The following PTPRD variants were observed in gnomAD, a reference collection of about 807,000 sequenced individuals.
PTPRD encodes the protein receptor-type tyrosine-protein phosphatase delta.
A neutral mutation model predicts 214.5 loss-of-function variants in PTPRD; 34 were observed. The observed-to-expected ratio is 0.16, with a 90% CI of 0.12 to 0.21. PTPRD has a LOEUF of 0.21. Ranked by LOEUF, PTPRD falls within the 10% of genes least tolerant of loss-of-function variation. The pLI is 1.00. For synonymous variants in PTPRD, 1,128 were observed against 845.7 expected, an observed-to-expected ratio of 1.33 and a Z score of -5.79; for missense variants, 2,545 against 2,398.7, an observed-to-expected ratio of 1.06 and a Z score of -1.27.
chr9:8,498,160 T>A (rs1218093760), intron 25 of PTPRD, among the ~76,000 whole-genome samples: 3 of 152,226 alleles, frequency 2.0e-5, no homozygotes, highest in Non-Finnish European at 4.4e-5. Context: ...TTACTTAGAA[T>A]GTTTCAAAAC....
chr9:9,827,449 G>C (rs1360091866), intron 5 of PTPRD, among the ~76,000 whole-genome samples: 6 of 152,138 alleles, frequency 3.9e-5, no homozygotes. Context: ...AAACTGGCTA[G>C]CCATATGTAG....
chr9:8,799,843 C>T (rs1203998061), intron 11 of PTPRD, among the ~76,000 whole-genome samples: 1 of 152,048 alleles, frequency 6.6e-6, no homozygotes, highest in East Asian at 1.9e-4. Flanking sequence ...TCCCAACTCC[C>T]CCACACACTT....
intron 39 of PTPRD, among the ~76,000 whole-genome samples, chr9:8,370,194 G>GCA (rs1564338866): frequency 3.2e-5 from 4 of 126,088 alleles, no homozygotes; most frequent in Non-Finnish European, 6.4e-5. Flanking sequence ...TTCATGCACT[G>GCA]CACATATATA....
intron 5 of PTPRD, among the ~76,000 whole-genome samples, chr9:9,910,077 T>TTTC (rs894031146): frequency 2.0e-5 from 3 of 151,962 alleles, no homozygotes; most frequent in Non-Finnish European, 4.4e-5. Flanking sequence ...TGCTTACTAC[T>TTTC]TTCTTGACAT....
intron 35 of PTPRD, among the ~76,000 whole-genome samples, chr9:8,419,650 C>A (rs865924050): frequency 6.6e-6 from 1 of 151,598 alleles, no homozygotes; most frequent in Non-Finnish European, 1.5e-5. Flanking sequence ...TCTCATATTT[C>A]TTTCTCGGGG....
At chr9:8,396,142 T>C (rs1232103082) in intron 36 of PTPRD, among the ~76,000 whole-genome samples, 1 of 152,142 alleles carries the variant, frequency 6.6e-6, no homozygotes, top group East Asian at 1.9e-4. Context: ...TCCTCATCAC[T>C]AATATGAATA....
At chr9:10,358,569 G>A (rs2097320082) in intron 2 of PTPRD, among the ~76,000 whole-genome samples, 1 of 151,754 alleles carries the variant, frequency 6.6e-6, no homozygotes, top group African/African-American at 2.4e-5. Flanking sequence ...ATGTCTCTTA[G>A]CATCACATTC....
chr9:8,806,470 G>A (rs1304806429), intron 11 of PTPRD, among the ~76,000 whole-genome samples: 1 of 152,006 alleles, frequency 6.6e-6, no homozygotes, highest in Non-Finnish European at 1.5e-5. Context: ...CACTTCCAGA[G>A]ATGTAAATAA....
At chr9:9,794,621 T>C (rs186830774) in intron 5 of PTPRD, among the ~76,000 whole-genome samples, 177 of 144,276 alleles carry the variant, frequency 1.2e-3, no homozygotes, top group Non-Finnish European at 2.2e-3. Flanking sequence ...CTAACATTGT[T>C]TGTCGACTAT....
chr9:8,994,463 G>T (rs2099388913), intron 11 of PTPRD, among the ~76,000 whole-genome samples: 1 of 151,988 alleles, frequency 6.6e-6, no homozygotes, highest in Non-Finnish European at 1.5e-5. Context: ...ACTCTAACAG[G>T]TTACTGAGAT....
Position 9,996,171 on chromosome 9 carries a change from G to A in PTPRD, c.-472+37547C>T, listed in dbSNP as rs540977964. Among the ~76,000 whole-genome samples the A allele has an allele frequency of 9.9e-5, 15 of 152,138 alleles. No homozygotes were observed. In the East Asian group the frequency reaches 2.9e-3, roughly 30 times the overall value. ...TAGAATGTATTGCCCAGAAATAAAT[G>A]AAGGACTGATATCCTTATATTGGTC... On this transcript the variant is annotated intron_variant, in intron 4 of 45. Coordinates refer to ENST00000381196, the MANE Select transcript of PTPRD (RefSeq NM_002839.4).
At chr9:8,339,652 T>A (rs548461069) in intron 42 of PTPRD, among the ~76,000 whole-genome samples, 2 of 152,238 alleles carry the variant, frequency 1.3e-5, no homozygotes, top group East Asian at 3.9e-4. Context: ...CAAGTTGGGC[T>A]TTAGCTGCAC....
intron 10 of PTPRD, among the ~76,000 whole-genome samples, chr9:9,134,011 T>C (rs1377039785): frequency 6.6e-6 from 1 of 151,146 alleles, no homozygotes; most frequent in Non-Finnish European, 1.5e-5. Flanking sequence ...CTGCTACTCC[T>C]GCAGTCTTTG....
chr9:8,341,292 AG>A, intron 40 of PTPRD, 24 bp from the exon 41 acceptor site: 1 of 1,544,936 alleles, frequency 6.5e-7, no homozygotes, highest in Admixed American at 2.1e-5. Flanking sequence ...AAAAAAAAAA[AG>A]GAAAAACCCA....
intron 39 of PTPRD, among the ~76,000 whole-genome samples, chr9:8,348,857 C>A (rs2074601498): frequency 6.6e-6 from 1 of 152,092 alleles, no homozygotes; most frequent in Admixed American, 6.6e-5. Flanking sequence ...TTTATTCCTC[C>A]TTGGACTCTT....
rs34045121 is a variant in PTPRD, at chr9:10,111,229, CTTTTTTTTT to C, written c.-544-77448_-544-77440del. ...AATCTGTGTGCTTCCAGTTTAGTTT[CTTTTTTTTT>C]TTTTTTTTTTTTTTTTTTGAGACGG... On this transcript the variant is annotated intron_variant, in intron 3 of 45. Coordinates refer to ENST00000381196, the MANE Select transcript of PTPRD (RefSeq NM_002839.4). Among the ~76,000 whole-genome samples the C allele has an allele frequency of 9.7e-4, 70 of 72,188 alleles. 1 individual carries two copies. The highest frequency in any genetic ancestry group is 3.5e-3 in the African/African-American group (61 of 17,512). 47.4% of individuals were successfully genotyped at this position (72,188 alleles called of 152,430 possible).
At chr9:9,982,183 G>A (rs1456715718) in intron 4 of PTPRD, among the ~76,000 whole-genome samples, 1 of 152,086 alleles carries the variant, frequency 6.6e-6, no homozygotes, top group Admixed American at 6.5e-5. Context: ...TCTGTGCCAA[G>A]AAACCTCTGG....
chr9:9,089,948 T>C (rs2099773191), intron 10 of PTPRD, among the ~76,000 whole-genome samples: 1 of 152,216 alleles, frequency 6.6e-6, no homozygotes, highest in Non-Finnish European at 1.5e-5. Context: ...TATTGATACA[T>C]AATGTTTGTC....
chr9:8,843,458 G>A (rs2097608718), intron 11 of PTPRD, among the ~76,000 whole-genome samples: 1 of 152,234 alleles, frequency 6.6e-6, no homozygotes, highest in South Asian at 2.1e-4. Flanking sequence ...AGAATGATCT[G>A]GTAGACTAGG....
Sources: gnomAD v4.1 joint callset for allele counts (sites outside exome capture counted in the v4.1 genomes callset) on GRCh38, gnomAD v4.1.1 for gene constraint, MANE v1.5 for transcripts, NCBI Gene and HGNC (gene_info 2026-07-23, HGNC 2026-07-21) for gene names.